Variants in SMAD1 observed in about 807,000 individuals in gnomAD.
SMAD1 encodes the protein SMAD family member 1.
Under a neutral mutation model 41.6 loss-of-function variants are expected in SMAD1, and 6 were observed. The ratio of observed to expected loss-of-function variants is 0.14; its 90% CI spans 0.08 to 0.28. The LOEUF is 0.28. SMAD1 is among the 10% of genes least tolerant of loss of function. The probability of loss-of-function intolerance (pLI) is 1.00; values close to 1 mark genes in which losing one functional copy is unlikely to be tolerated. For synonymous variants in SMAD1, 206 were observed against 203.2 expected (o/e 1.01, Z -0.12); for missense variants, 379 against 582.6 (o/e 0.65, Z 3.60).
At chr4:145,507,370 C>A (rs1729847701) in intron 1 of SMAD1, among the ~76,000 whole-genome samples, 1 of 151,888 alleles carries the variant, frequency 6.6e-6, no homozygotes, top group African/African-American at 2.4e-5. Context: ...TATAACCAAC[C>A]ATTTTATGTT....
At chr4:145,554,112 G>A (rs570511379) in intron 6 of SMAD1, 72 bp downstream of exon 6, 37 of 1,218,112 alleles carry the variant, frequency 3.0e-5, no homozygotes, top group African/African-American at 2.5e-4. Context: ...TTTTTTTGGC[G>A]ATATATGAAT....
chr4:145,547,783 T>C lies in SMAD1; in HGVS notation c.997+859T>C, dbSNP rs191857888. On this transcript the variant is annotated intron_variant, in intron 5 of 6. Transcript: ENST00000302085. ...GAATAGAAGTATCAGTGCAAAATTCTGATTTTAGTAATACATATGTGTATG... is the reference window on the plus strand; with the variant it reads ...GAATAGAAGTATCAGTGCAAAATTCCGATTTTAGTAATACATATGTGTATG... 5.1e-3 allele frequency among the ~76,000 whole-genome samples: 778 copies of C among 152,356 alleles called. 3 individuals are homozygous for C. The highest frequency in any genetic ancestry group is 7.8e-3 in the Non-Finnish European group (529 of 68,036).
At chr4:145,554,085 G>A (rs1255058964) in intron 6 of SMAD1, 45 bp downstream of exon 6, 8 of 1,456,332 alleles carry the variant, frequency 5.5e-6, no homozygotes, top group Non-Finnish European at 6.4e-6. Flanking sequence ...ACATACTTTT[G>A]CTGTGCTTTT....
chr4:145,512,801 A>T (rs951711806), intron 1 of SMAD1, among the ~76,000 whole-genome samples: 20 of 152,110 alleles, frequency 1.3e-4, no homozygotes, highest in African/African-American at 4.8e-4. Flanking sequence ...TGTGAATTTA[A>T]AATTGTAGTG....
chr4:145,506,322 A>C (rs1729780216), intron 1 of SMAD1, among the ~76,000 whole-genome samples: 1 of 152,236 alleles, frequency 6.6e-6, no homozygotes, highest in African/African-American at 2.4e-5. Context: ...AAGAACAAGA[A>C]GTAGGGGGAG....
At chr4:145,528,167 G>A (rs1438486350) in intron 2 of SMAD1, among the ~76,000 whole-genome samples, 4 of 150,304 alleles carry the variant, frequency 2.7e-5, no homozygotes, top group Non-Finnish European at 5.9e-5. Context: ...GCAGTGGCAC[G>A]ATCTTGGCCC....
intron 5 of SMAD1, among the ~76,000 whole-genome samples, chr4:145,553,036 T>C (rs1461095377): frequency 6.6e-6 from 1 of 151,540 alleles, no homozygotes; most frequent in Admixed American, 6.6e-5. Context: ...TCTGTGTAAC[T>C]GGGACTACAG....
intron 1 of SMAD1, chr4:145,513,194 T>C (rs1730185688): frequency 6.6e-6 from 1 of 152,194 alleles, no homozygotes; most frequent in African/African-American, 2.4e-5. Context: ...CTGGAAAGAG[T>C]GGTGACGAAT....
At chr4:145,526,792 C>A (rs992716380) in intron 2 of SMAD1, among the ~76,000 whole-genome samples, 6 of 152,096 alleles carry the variant, frequency 3.9e-5, no homozygotes, top group Non-Finnish European at 8.8e-5. Context: ...ATATTTATTT[C>A]TCTTTAGTAG....
chr4:145,498,570 C>A (rs956955489), intron 1 of SMAD1, among the ~76,000 whole-genome samples: 30 of 152,164 alleles, frequency 2.0e-4, no homozygotes, highest in African/African-American at 7.2e-4. Flanking sequence ...GTTGGCTCTC[C>A]TGCACTCCCT....
intron 2 of SMAD1, among the ~76,000 whole-genome samples, chr4:145,529,154 A>G (rs1270892698): frequency 1.3e-5 from 2 of 152,190 alleles, no homozygotes; most frequent in African/African-American, 2.4e-5. Flanking sequence ...AGAATTTCCA[A>G]TTTTGGAACT....
intron 6 of SMAD1, among the ~76,000 whole-genome samples, chr4:145,556,094 A>G (rs985806356): frequency 7.2e-5 from 11 of 152,250 alleles, no homozygotes; most frequent in African/African-American, 2.7e-4. Context: ...TTTTACTAAC[A>G]ATAGCCAATC....
At position 145,514,727 on chromosome 4, in the gene SMAD1, G is replaced by A. The variant is rs1220313019; in HGVS notation, c.114G>A (p.Val38=). The change falls in exon 2 of 7, where the codon GTG becomes GTA. Residue 38 remains valine, a synonymous_variant. Transcript: ENST00000302085. The surrounding 1 kb of genome is among the most constrained non-coding windows in gnomAD (Gnocchi z 4.7). Reference sequence around the variant, plus strand: ...CAGAGAAAGCTGTTGATGCTTTGGTGAAAAAACTGAAGAAAAAGAAAGGTG... The same window carrying A: ...CAGAGAAAGCTGTTGATGCTTTGGTAAAAAAACTGAAGAAAAAGAAAGGTG... ...KWAEKAVDAL[V]KKLKKKKGAM... The A allele has an allele frequency of 6.2e-7, 1 of 1,614,116 alleles. No individual in the cohort carries two copies.
intron 1 of SMAD1, among the ~76,000 whole-genome samples, chr4:145,491,679 A>G (rs1326354276): frequency 6.6e-6 from 1 of 152,210 alleles, no homozygotes; most frequent in Non-Finnish European, 1.5e-5. Flanking sequence ...AAGTAGAGTT[A>G]TAAGAGGCAG....
intron 2 of SMAD1, among the ~76,000 whole-genome samples, chr4:145,518,131 G>T (rs1730526592): frequency 7.9e-6 from 1 of 126,188 alleles, no homozygotes. Flanking sequence ...GCCAGATGTG[G>T]TGGTACATGC....
rs1032436367 is a variant in SMAD1, at chr4:145,501,833, A to G, written c.-176-12605A>G. Among the ~76,000 whole-genome samples, 3 of 152,064 alleles carry G rather than the reference A, an allele frequency of 2.0e-5. No homozygotes were observed. The South Asian group carries it at 6.2e-4, about 32-fold the overall frequency. On this transcript the variant is annotated intron_variant, in intron 1 of 6. Coordinates refer to ENST00000302085, the MANE Select transcript of SMAD1 (RefSeq NM_005900.3). ...CTGGAGAAAGTTACTTTAACCTCTG[A>G]GCCTCAAGTTTATTACTAAAATTGA...
chr4:145,502,736 T>C (rs987307653), intron 1 of SMAD1: 1 of 152,246 alleles, frequency 6.6e-6, no homozygotes, highest in South Asian at 2.1e-4. Context: ...CTTGCTTCCT[T>C]TTCATCAAGG....
intron 2 of SMAD1, among the ~76,000 whole-genome samples, chr4:145,526,077 A>AT (rs1731002053): frequency 6.6e-6 from 1 of 152,144 alleles, no homozygotes; most frequent in South Asian, 2.1e-4. Context: ...GAGAAAAGAC[A>AT]TTTTTTTATC....
chr4:145,512,613 T>G (rs988159318), intron 1 of SMAD1, among the ~76,000 whole-genome samples: 4 of 152,226 alleles, frequency 2.6e-5, no homozygotes, highest in Non-Finnish European at 5.9e-5. Context: ...TGTTAAAATC[T>G]TCAACCTTGT....
Sources: allele counts gnomAD v4.1 joint callset (sites outside exome capture counted in the v4.1 genomes callset), GRCh38; gene constraint gnomAD v4.1.1; non-coding constraint Gnocchi (gnomAD v3.1); transcripts MANE v1.5; gene names NCBI Gene and HGNC (gene_info 2026-07-23, HGNC 2026-07-21).